FOXP2: variants seen among roughly 807,000 people sequenced by gnomAD.
The protein encoded by FOXP2 is forkhead box P2.
In FOXP2, 12 loss-of-function variants were observed where a neutral mutation model predicts 115.8. The observed-to-expected ratio is 0.10, with a 90% confidence interval of 0.07 to 0.17. The LOEUF is 0.17. Ranked by LOEUF, FOXP2 falls within the 10% of genes least tolerant of loss-of-function variation. FOXP2 has a pLI of 1.00. For missense variants in FOXP2, 629 were observed against 843.5 expected, an observed-to-expected ratio of 0.75 and a Z score of 3.15; for synonymous variants, 328 against 297.7, an observed-to-expected ratio of 1.10 and a Z score of -1.05.
At chr7:114,664,521 G>A in intron 16 of FOXP2, 85 bp downstream of exon 16, 7 of 1,461,568 alleles carry the variant, frequency 4.8e-6, no homozygotes, top group Non-Finnish European at 6.6e-6. Flanking sequence ...AGTTTTTACT[G>A]TTGTATAAGT....
intron 1 of FOXP2, among the ~76,000 whole-genome samples, chr7:114,206,643 C>G (rs975940538): frequency 6.6e-6 from 1 of 152,134 alleles, no homozygotes; most frequent in South Asian, 2.1e-4. Context: ...TATATTTCCT[C>G]TCTTCCTCTG....
chr7:114,540,809 C>G (rs1799620581), intron 3 of FOXP2, among the ~76,000 whole-genome samples: 1 of 151,856 alleles, frequency 6.6e-6, no homozygotes, highest in East Asian at 1.9e-4. Flanking sequence ...TCTGGTTGGG[C>G]AAGTGTAAGT....
intron 2 of FOXP2, among the ~76,000 whole-genome samples, chr7:114,321,996 A>C (rs1374904574): frequency 6.7e-6 from 1 of 150,312 alleles, no homozygotes; most frequent in Non-Finnish European, 1.5e-5. Flanking sequence ...GCCAAAAATA[A>C]ATGCCGTGAG....
chr7:114,356,637 A>G (rs753702118), intron 2 of FOXP2, among the ~76,000 whole-genome samples: 1 of 152,184 alleles, frequency 6.6e-6, no homozygotes, highest in Admixed American at 6.5e-5. Flanking sequence ...TGAATACCAC[A>G]TGTTCTTGAA....
At chr7:114,188,022 C>T (rs1562997432) in intron 1 of FOXP2, among the ~76,000 whole-genome samples, 1 of 152,132 alleles carries the variant, frequency 6.6e-6, no homozygotes, top group Non-Finnish European at 1.5e-5. Flanking sequence ...ATGGCAATTA[C>T]ATTTCAACAT....
intron 2 of FOXP2, among the ~76,000 whole-genome samples, chr7:114,459,503 C>T (rs1205895657): frequency 3.3e-5 from 5 of 152,328 alleles, no homozygotes; most frequent in Non-Finnish European, 7.3e-5. Flanking sequence ...GACTAACATT[C>T]GTCCAAATAT....
chr7:114,579,098 GC>G (rs1484458561), intron 3 of FOXP2, among the ~76,000 whole-genome samples: 1 of 152,060 alleles, frequency 6.6e-6, no homozygotes, highest in Non-Finnish European at 1.5e-5. Context: ...GGTTTCCCAG[GC>G]TTTTCCAGTT....
chr7:114,507,783 CTA>C (rs1226067325), intron 2 of FOXP2, among the ~76,000 whole-genome samples: 2 of 151,938 alleles, frequency 1.3e-5, no homozygotes, highest in African/African-American at 4.8e-5. Context: ...TCTATTAAAA[CTA>C]TGTTCCATAG....
At chr7:114,548,890 C>T (rs1008535901) in intron 3 of FOXP2, among the ~76,000 whole-genome samples, 1 of 152,102 alleles carries the variant, frequency 6.6e-6, no homozygotes, top group Admixed American at 6.5e-5. Flanking sequence ...GGGAAAAAAT[C>T]ATAGAAGATG....
chr7:114,275,546 G>C (rs1310625037), intron 1 of FOXP2, among the ~76,000 whole-genome samples: 1 of 152,050 alleles, frequency 6.6e-6, no homozygotes, highest in Non-Finnish European at 1.5e-5. Flanking sequence ...TTCTTTCCTA[G>C]GAGTTCCATC....
At chr7:114,612,869 G>A (rs1338266479) in intron 3 of FOXP2, among the ~76,000 whole-genome samples, 1 of 152,010 alleles carries the variant, frequency 6.6e-6, no homozygotes, top group Non-Finnish European at 1.5e-5. Flanking sequence ...TGTTTATTTC[G>A]AATCAGAATT....
intron 2 of FOXP2, among the ~76,000 whole-genome samples, chr7:114,438,849 A>G (rs1385169721): frequency 5.9e-5 from 9 of 152,156 alleles, no homozygotes. Flanking sequence ...AAACAAACCC[A>G]TTGTAGCCTA....
At chr7:114,156,204 G>T (rs894348545) in intron 1 of FOXP2, among the ~76,000 whole-genome samples, 1 of 152,028 alleles carries the variant, frequency 6.6e-6, no homozygotes, top group Admixed American at 6.6e-5. Context: ...GCCTTTTCCT[G>T]GTGCTGTCTG....
intron 1 of FOXP2, among the ~76,000 whole-genome samples, chr7:114,128,421 T>TC (rs895492183): frequency 1.3e-5 from 2 of 150,756 alleles, no homozygotes; most frequent in African/African-American, 4.9e-5. Flanking sequence ...TTTTTAAATT[T>TC]CTTTTTTTTT....
rs1221825254 is a variant in FOXP2, at chr7:114,690,772, C to T, written c.*846C>T. On this transcript the variant is annotated 3_prime_UTR_variant, in exon 17 of 17. Coordinates refer to ENST00000350908, the MANE Select transcript of FOXP2 (RefSeq NM_014491.4). ...AACCAAAGCCAACTCTAACCATGGC[C>T]AAGAGCTCAAGGACAGAAGCAGCCA... 2.2e-6 allele frequency: 1 copy of T among 454,386 alleles called. No individual in the cohort carries two copies. The highest frequency in any genetic ancestry group is 4.4e-6 in the Non-Finnish European group (1 of 226,784). The allele number at this position is 454,386 out of a possible 1,614,324, so 28.1% of individuals were successfully genotyped here. A position where few individuals can be genotyped will look rare whatever the true frequency, so the allele number is the denominator to read the frequency against.
intron 16 of FOXP2, among the ~76,000 whole-genome samples, chr7:114,686,102 T>C (rs934982321): frequency 1.3e-5 from 2 of 152,114 alleles, no homozygotes; most frequent in African/African-American, 2.4e-5. Context: ...GTAGTGCCAT[T>C]TCTAATCAAA....
chr7:114,607,130 C>G lies in FOXP2; in HGVS notation c.259-21410C>G, dbSNP rs1187216271. 5.3e-5 allele frequency among the ~76,000 whole-genome samples: 8 copies of G among 152,286 alleles called. No individual in the cohort carries two copies. In the South Asian group the frequency reaches 1.4e-3, roughly 28 times the overall value. On this transcript the variant is annotated intron_variant, in intron 3 of 16. Coordinates refer to ENST00000350908, the MANE Select transcript of FOXP2 (RefSeq NM_014491.4). Reference sequence around the variant, plus strand: ...ACACTAGATGAAAGCCATCTTATAACTGGGCTAGTATCTGTTTATTTTATA... The same window carrying G: ...ACACTAGATGAAAGCCATCTTATAAGTGGGCTAGTATCTGTTTATTTTATA...
intron 1 of FOXP2, among the ~76,000 whole-genome samples, chr7:114,090,149 CCT>C (rs1411674418): frequency 1.3e-5 from 2 of 151,760 alleles, no homozygotes; most frequent in African/African-American, 4.8e-5. Context: ...GTATTTTCTG[CCT>C]CTCTGAATTA....
chr7:114,240,795 CT>C (rs1795132722), intron 1 of FOXP2, among the ~76,000 whole-genome samples: 1 of 151,440 alleles, frequency 6.6e-6, no homozygotes, highest in Non-Finnish European at 1.5e-5. Flanking sequence ...GGATTTTTTT[CT>C]TTAAATTTTA....
Sources: allele counts gnomAD v4.1 joint callset (sites outside exome capture counted in the v4.1 genomes callset), GRCh38; gene constraint gnomAD v4.1.1; transcripts MANE v1.5; gene names NCBI Gene and HGNC (gene_info 2026-07-23, HGNC 2026-07-21).